CRYZL1: variants seen among roughly 807,000 people sequenced by gnomAD.
CRYZL1 encodes the protein crystallin zeta like 1, also known as ferry endosomal RAB5 effector complex subunit 4.
A neutral mutation model predicts 50.6 loss-of-function variants in CRYZL1; 34 were observed. The observed-to-expected ratio is 0.67, with a 90% CI of 0.51 to 0.89. The LOEUF (loss-of-function observed/expected upper bound fraction) is 0.89, where lower values mean the gene tolerates loss of function less well. Among genes scored for constraint, CRYZL1 ranks in the 40% least tolerant of loss-of-function variants. The pLI is 0.00. For synonymous variants in CRYZL1, 125 were observed against 134.3 expected (o/e 0.93, Z 0.48); for missense variants, 354 against 402.3 (o/e 0.88, Z 1.03).
At chr21:33,598,192 A>G (rs1320484406) in intron 9 of CRYZL1, among the ~76,000 whole-genome samples, 1 of 152,256 alleles carries the variant, frequency 6.6e-6, no homozygotes, top group Non-Finnish European at 1.5e-5. Context: ...TTCCCAATTA[A>G]AAAACTCATA....
At position 33,641,699 on chromosome 21, in the gene CRYZL1, A is replaced by G. The variant is rs2087351968; in HGVS notation, c.-25T>C. ...GGCTCACCTGCCTCTGAGCCGCCCC[A>G]ACGGCCTGCACCTTCACCACCGCCA... On this transcript the variant is annotated 5_prime_UTR_variant, in exon 1 of 13. Coordinates refer to ENST00000381554, the MANE Select transcript of CRYZL1 (RefSeq NM_145858.3). 6.0e-6 allele frequency: 1 copy of G among 166,898 alleles called. No individual in the cohort carries two copies. The highest frequency in any genetic ancestry group is 2.4e-5 in the African/African-American group (1 of 41,616). 10.3% of individuals were successfully genotyped at this position (166,898 alleles called of 1,614,324 possible). A position where few individuals can be genotyped will look rare whatever the true frequency, so the allele number is the denominator to read the frequency against.
At chr21:33,614,804 T>A (rs1484244733) in intron 5 of CRYZL1, among the ~76,000 whole-genome samples, 1 of 152,112 alleles carries the variant, frequency 6.6e-6, no homozygotes, top group African/African-American at 2.4e-5. Flanking sequence ...ACTCCTGATC[T>A]TGTGATCCAC....
At chr21:33,625,000 A>C (rs1215500387) in intron 2 of CRYZL1, among the ~76,000 whole-genome samples, 1 of 152,246 alleles carries the variant, frequency 6.6e-6, no homozygotes, top group Non-Finnish European at 1.5e-5. Flanking sequence ...CTCAAATAAC[A>C]ATATGGATAT....
intron 4 of CRYZL1, among the ~76,000 whole-genome samples, chr21:33,621,257 T>TATTGAG (rs1479531306): frequency 2.0e-5 from 3 of 150,764 alleles, no homozygotes; most frequent in African/African-American, 7.3e-5. Flanking sequence ...GAAAGAATTG[T>TATTGAG]CTTGAGCAAC....
At position 33,616,720 on chromosome 21, in the gene CRYZL1, T is replaced by G; in HGVS notation, c.248A>C (p.Asp83Ala). Residue 83 changes from aspartate (D) to alanine (A), a missense_variant, in exon 5 of 13, where the codon GAT becomes GCT. Physicochemically the swap from Asp to Ala is moderately radical, Grantham distance 126. Coordinates refer to ENST00000381554, the MANE Select transcript of CRYZL1 (RefSeq NM_145858.3). ...VGSKVSFFQP[D>A]DEVVGILPLD... ...CTATAACTTACCAACTACTTCATCA[T>G]CTGGTTGAAAGAATGATACCTTGCT... The G allele has an allele frequency of 1.2e-6, 2 of 1,609,452 alleles. No homozygotes were observed. Among genetic ancestry groups the G allele is most frequent in the Non-Finnish European group, 1.7e-6 (2 of 1,177,552 alleles).
rs763973380 is a variant in CRYZL1 at position 33,595,823 on chromosome 21, T to C, written c.812A>G (p.Asp271Gly). 6.2e-7 allele frequency: 1 copy of C among 1,611,726 alleles called. No individual in the cohort carries two copies. Among genetic ancestry groups the C allele is most frequent in the Non-Finnish European group, 8.5e-7 (1 of 1,177,812 alleles). Reference sequence around the variant, plus strand: ...TCCCTTGAGGAAAAGGCAGTGGCTATCTGGAGGATCCAACTTGGATAGAAT... The same window carrying C: ...TCCCTTGAGGAAAAGGCAGTGGCTACCTGGAGGATCCAACTTGGATAGAAT... ...TEENLQLDPP[D>G]SHCLFLKGAT... The change falls in exon 11 of 13, where the codon GAT (aspartate) becomes GGT (glycine). Residue 271 changes from aspartate (D) to glycine (G), a missense_variant. Transcript: ENST00000381554.
chr21:33,621,740 C>A (rs1339088667), intron 4 of CRYZL1, among the ~76,000 whole-genome samples: 1 of 152,148 alleles, frequency 6.6e-6, no homozygotes, highest in African/African-American at 2.4e-5. Context: ...TTGCTGTAGA[C>A]TTAGCTACTC....
intron 6 of CRYZL1, among the ~76,000 whole-genome samples, chr21:33,611,909 T>G (rs892897934): frequency 2.0e-5 from 3 of 152,232 alleles, no homozygotes; most frequent in African/African-American, 7.2e-5. Context: ...TTTGTATTCT[T>G]CTGTAACTTG....
At position 33,606,750 on chromosome 21, in the gene CRYZL1, C is replaced by T. The variant is rs556351322; in HGVS notation, c.332-3213G>A. ...TAAGGCCAGGTGCAGTGGCTCACAC[C>T]TGTAATCCCAGCACTATGGGAGGCC... On this transcript the variant is annotated intron_variant, in intron 6 of 12. Coordinates refer to ENST00000381554, the MANE Select transcript of CRYZL1 (RefSeq NM_145858.3). 3.9e-5 allele frequency among the ~76,000 whole-genome samples: 6 copies of T among 152,132 alleles called. No individual in the cohort carries two copies. In the South Asian group the frequency reaches 1.0e-3, roughly 26 times the overall value.
chr21:33,626,416 G>C (rs1247150978), intron 2 of CRYZL1, among the ~76,000 whole-genome samples: 1 of 152,010 alleles, frequency 6.6e-6, no homozygotes, highest in Non-Finnish European at 1.5e-5. Context: ...CAAAAGCAAG[G>C]CCGGGCATGG....
At chr21:33,619,000 C>T (rs1390367843) in intron 4 of CRYZL1, among the ~76,000 whole-genome samples, 1 of 152,172 alleles carries the variant, frequency 6.6e-6, no homozygotes, top group African/African-American at 2.4e-5. Context: ...GCATAGATCT[C>T]TCACCCTTGA....
In CRYZL1 at chr21:33,603,603, T is replaced by C. The variant is rs1337202767; in HGVS notation, c.332-66A>G. On this transcript the variant is annotated intron_variant, in intron 6 of 12. Transcript: ENST00000381554. Reference sequence around the variant, plus strand: ...CCACAAGTCCTACCTCCTGGATCTATTTCTCTCCATCTCTAGTACTACTAT... The same window carrying C: ...CCACAAGTCCTACCTCCTGGATCTACTTCTCTCCATCTCTAGTACTACTAT... 3.8e-6 allele frequency: 6 copies of C among 1,579,438 alleles called. No homozygotes were observed. The African/African-American group carries it at 5.4e-5, about 14-fold the overall frequency.
intron 7 of CRYZL1, 150 bp downstream of exon 7, chr21:33,603,254 C>G: frequency 1.2e-6 from 1 of 833,680 alleles, no homozygotes; most frequent in Non-Finnish European, 1.8e-6. Context: ...TTGATAAAAG[C>G]TGCTTATTAT....
intron 6 of CRYZL1, among the ~76,000 whole-genome samples, chr21:33,605,546 G>A (rs1296775573): frequency 1.7e-3 from 2 of 1,200 alleles, no homozygotes; most frequent in East Asian, 0.17. Context: ...TTTTTGAGAT[G>A]GAGTCTCACT....
intron 12 of CRYZL1, 92 bp downstream of exon 12, chr21:33,591,070 G>A: frequency 2.3e-6 from 2 of 872,932 alleles, no homozygotes; most frequent in Non-Finnish European, 2.0e-6. Flanking sequence ...ACAGGTACAT[G>A]GCGAGAGCTA....
intron 2 of CRYZL1, among the ~76,000 whole-genome samples, chr21:33,627,233 C>T (rs1263168203): frequency 1.3e-5 from 2 of 152,146 alleles, no homozygotes; most frequent in East Asian, 3.9e-4. Context: ...TCACTGTAGC[C>T]TTGACCTACA....
chr21:33,622,969 T>C (rs2087019766), intron 3 of CRYZL1, among the ~76,000 whole-genome samples: 2 of 135,504 alleles, frequency 1.5e-5, no homozygotes, highest in African/African-American at 5.8e-5. Flanking sequence ...TCTTTTCTAT[T>C]TTTTTTTTTT....
At chr21:33,634,364 T>C (rs1307518187) in intron 1 of CRYZL1, among the ~76,000 whole-genome samples, 1 of 152,176 alleles carries the variant, frequency 6.6e-6, no homozygotes, top group Non-Finnish European at 1.5e-5. Flanking sequence ...ATCATATGGT[T>C]ACCCCATCTC....
At chr21:33,607,286 T>C (rs929813963) in intron 6 of CRYZL1, among the ~76,000 whole-genome samples, 5 of 152,202 alleles carry the variant, frequency 3.3e-5, no homozygotes, top group Non-Finnish European at 7.3e-5. Context: ...CATAGCTCTT[T>C]GGTTTGGTAA....
Sources: allele counts gnomAD v4.1 joint callset (sites outside exome capture counted in the v4.1 genomes callset), GRCh38; gene constraint gnomAD v4.1.1; transcripts MANE v1.5; gene names NCBI Gene and HGNC (gene_info 2026-07-23, HGNC 2026-07-21).